The following CDYL variants were observed in gnomAD, a reference collection of about 807,000 sequenced individuals.
CDYL encodes chromodomain Y-like protein.
CDYL carries 8 observed loss-of-function variants against 47.3 expected under a neutral mutation model. The observed-to-expected ratio is 0.17, with a 90% CI of 0.10 to 0.31. The LOEUF (loss-of-function observed/expected upper bound fraction) is 0.31. Among genes scored for constraint, CDYL ranks in the 10% least tolerant of loss-of-function variants. CDYL has a pLI of 1.00. For missense variants in CDYL, 471 were observed against 701.4 expected, an observed-to-expected ratio of 0.67 and a Z score of 3.71; for synonymous variants, 266 against 265.0, an observed-to-expected ratio of 1.00 and a Z score of -0.04.
At chr6:4,940,646 TCA>T (rs1373307856) in intron 4 of CDYL, among the ~76,000 whole-genome samples, 1 of 152,252 alleles carries the variant, frequency 6.6e-6, no homozygotes, top group African/African-American at 2.4e-5. Flanking sequence ...TCTTTCAAGT[TCA>T]TGGACAGCAT....
intron 2 of CDYL, among the ~76,000 whole-genome samples, chr6:4,925,703 G>C (rs1414374951): frequency 6.6e-6 from 1 of 152,098 alleles, no homozygotes; most frequent in South Asian, 2.1e-4. Context: ...GTGAAGAGTA[G>C]ACTGTCCTCC....
At chr6:4,948,133 A>G (rs1021573970) in intron 5 of CDYL, among the ~76,000 whole-genome samples, 1 of 152,186 alleles carries the variant, frequency 6.6e-6, no homozygotes, top group Non-Finnish European at 1.5e-5. Flanking sequence ...AAGAATCCTC[A>G]TCCTCTGGAA....
At chr6:4,841,110 A>G (rs1373231444) in intron 1 of CDYL, among the ~76,000 whole-genome samples, 1 of 151,926 alleles carries the variant, frequency 6.6e-6, no homozygotes, top group Non-Finnish European at 1.5e-5. Context: ...GTCTGTTCAG[A>G]GTTTCTGTTT....
At chr6:4,842,196 A>G (rs1760520912) in intron 1 of CDYL, among the ~76,000 whole-genome samples, 1 of 144,270 alleles carries the variant, frequency 6.9e-6, no homozygotes, top group South Asian at 2.1e-4. Context: ...TAATATAAAT[A>G]ATATAAATAA....
chr6:4,894,971 A>G (rs1191504364), intron 2 of CDYL, among the ~76,000 whole-genome samples: 8 of 141,132 alleles, frequency 5.7e-5, no homozygotes, highest in African/African-American at 1.6e-4. Flanking sequence ...ACGTATGTGT[A>G]TATGTGTATG....
At chr6:4,756,638 T>C (rs1758080256) in intron 3 of CDYL, among the ~76,000 whole-genome samples, 1 of 151,444 alleles carries the variant, frequency 6.6e-6, no homozygotes, top group Admixed American at 6.6e-5. Flanking sequence ...TGGTCAGATT[T>C]TAAAATTCCT....
chr6:4,944,017 C>T (rs529589405), intron 5 of CDYL, among the ~76,000 whole-genome samples: 1 of 152,222 alleles, frequency 6.6e-6, no homozygotes, highest in African/African-American at 2.4e-5. Context: ...AATCAGTAAC[C>T]CAACCAACAA....
intron 2 of CDYL, among the ~76,000 whole-genome samples, chr6:4,716,313 C>T (rs1027270607): frequency 6.6e-6 from 1 of 151,676 alleles, no homozygotes; most frequent in Admixed American, 6.6e-5. Flanking sequence ...TTCTGGTATT[C>T]CAGTCATAAT....
chr6:4,917,310 C>A (rs928947237), intron 2 of CDYL, among the ~76,000 whole-genome samples: 1 of 152,156 alleles, frequency 6.6e-6, no homozygotes, highest in Non-Finnish European at 1.5e-5. Flanking sequence ...TCCATCCTTG[C>A]TTTGGCCTCT....
intron 1 of CDYL, among the ~76,000 whole-genome samples, chr6:4,797,164 T>C (rs1044069607): frequency 1.3e-5 from 2 of 150,398 alleles, no homozygotes; most frequent in Non-Finnish European, 3.0e-5. Flanking sequence ...AAATGAAATA[T>C]GTATATTACT....
At position 4,891,563 on chromosome 6, in the gene CDYL, A is replaced by G. The variant is rs1762040279; in HGVS notation, c.25-150A>G. ...TTCAGGGAAATTGTCCACAACCCAA[A>G]TGGCCTATTACTATTTTATTGAGGT... On this transcript the variant is annotated intron_variant, in intron 1 of 6. Coordinates refer to ENST00000397588, the MANE Select transcript of CDYL (RefSeq NM_004824.4). 1.6e-5 allele frequency: 10 copies of G among 638,798 alleles called. No homozygotes were observed. The South Asian group carries it at 1.9e-4, about 12-fold the overall frequency. The allele number at this position is 638,798 out of a possible 1,614,324, so 39.6% of individuals were successfully genotyped here. A position where few individuals can be genotyped will look rare whatever the true frequency, so the allele number is the denominator to read the frequency against.
rs141200786 is a variant in CDYL, at chr6:4,949,488, C to T, written c.1333-2778C>T. On this transcript the variant is annotated intron_variant, in intron 5 of 6. Transcript: ENST00000397588. ...TACTCTGGCCAAACTAAAAAGACAT[C>T]TCTATTTAACTTTCCTCGGCATTTC... is the stretch of plus-strand genomic sequence containing the variant. Among the ~76,000 whole-genome samples, 46 of 152,358 alleles carry T rather than the reference C, an allele frequency of 3.0e-4. 2 individuals are homozygous for T. The highest frequency in any genetic ancestry group is 1.1e-3 in the African/African-American group (46 of 41,586).
At chr6:4,789,770 C>T (rs952633713) in intron 1 of CDYL, among the ~76,000 whole-genome samples, 4 of 152,196 alleles carry the variant, frequency 2.6e-5, no homozygotes, top group Admixed American at 1.3e-4. Flanking sequence ...CTGGGTGTTA[C>T]TCTTCTCACC....
chr6:4,788,798 G>C (rs962944628), intron 1 of CDYL, among the ~76,000 whole-genome samples: 1 of 151,706 alleles, frequency 6.6e-6, no homozygotes, highest in African/African-American at 2.4e-5. Flanking sequence ...GGAATTTGTG[G>C]TCTGCCTGTC....
At chr6:4,812,224 T>A (rs1418769455) in intron 1 of CDYL, among the ~76,000 whole-genome samples, 1 of 152,244 alleles carries the variant, frequency 6.6e-6, no homozygotes, top group Non-Finnish European at 1.5e-5. Flanking sequence ...CCTAGATACC[T>A]CTAAAGATCA....
chr6:4,738,922 G>A (rs536653218), intron 3 of CDYL, among the ~76,000 whole-genome samples: 1 of 152,326 alleles, frequency 6.6e-6, no homozygotes, highest in East Asian at 1.9e-4. Flanking sequence ...AGCACTTTGG[G>A]AGGCCGAGGC....
At chr6:4,922,359 G>A (rs1202699140) in intron 2 of CDYL, among the ~76,000 whole-genome samples, 1 of 152,204 alleles carries the variant, frequency 6.6e-6, no homozygotes, top group Non-Finnish European at 1.5e-5. Context: ...AAACAAAGTT[G>A]GAAAGAGTTA....
intron 3 of CDYL, among the ~76,000 whole-genome samples, chr6:4,758,202 G>C (rs959930448): frequency 6.6e-6 from 1 of 151,000 alleles, no homozygotes; most frequent in Non-Finnish European, 1.5e-5. Flanking sequence ...AGCAGGATGT[G>C]GTGGCTCATG....
chr6:4,850,222 A>G (rs1265721400), intron 1 of CDYL, among the ~76,000 whole-genome samples: 1 of 152,214 alleles, frequency 6.6e-6, no homozygotes, highest in African/African-American at 2.4e-5. Flanking sequence ...TTCAGCAAAT[A>G]CTTGTTGAGT....
Sources: allele counts gnomAD v4.1 joint callset (sites outside exome capture counted in the v4.1 genomes callset), GRCh38; gene constraint gnomAD v4.1.1; transcripts MANE v1.5; gene names NCBI Gene and HGNC (gene_info 2026-07-23, HGNC 2026-07-21).